The following CNTNAP3B variants were observed in gnomAD, a reference collection of about 807,000 sequenced individuals.
CNTNAP3B encodes the protein contactin-associated protein-like 3B.
CNTNAP3B carries 25 observed loss-of-function variants against 108.9 expected under a neutral mutation model. That is an observed-to-expected ratio of 0.23 (90% CI 0.17 to 0.32). The LOEUF (loss-of-function observed/expected upper bound fraction) is 0.32, where lower values mean the gene tolerates loss of function less well. CNTNAP3B is among the 10% of genes least tolerant of loss of function. The pLI, the probability that CNTNAP3B is intolerant of heterozygous loss-of-function variation, is 1.00. For synonymous variants in CNTNAP3B, 103 were observed against 473.4 expected (o/e 0.22, Z 10.16); for missense variants, 252 against 1,210.4 (o/e 0.21, Z 11.75).
intron 13 of CNTNAP3B, among the ~76,000 whole-genome samples, 152 bp downstream of exon 13, chr9:41,953,031 C>G (rs1378726328): frequency 6.6e-6 from 1 of 152,276 alleles, no homozygotes; most frequent in Non-Finnish European, 1.5e-5. Flanking sequence ...TTTGGTCCAA[C>G]CAAGAGCGGG....
Position 42,117,629 on chromosome 9 carries a change from A to G in CNTNAP3B, c.85+11381T>C. On this transcript the variant is annotated intron_variant, in intron 1 of 23. Coordinates refer to ENST00000377561, the MANE Select transcript of CNTNAP3B (RefSeq NM_001201380.3). Reference sequence around the variant, plus strand: ...CAATTAAAAGAACCAGAGAAGCAAGAGCAAACACATTCAAAAGCTAGCAGA... The same window carrying G: ...CAATTAAAAGAACCAGAGAAGCAAGGGCAAACACATTCAAAAGCTAGCAGA... Among the ~76,000 whole-genome samples the G allele has an allele frequency of 1.5e-5, 2 of 137,306 alleles. 1 individual carries two copies. The highest frequency in any genetic ancestry group is 3.1e-5 in the Non-Finnish European group (2 of 64,484). 90.1% of individuals were successfully genotyped at this position (137,306 alleles called of 152,430 possible).
intron 1 of CNTNAP3B, among the ~76,000 whole-genome samples, chr9:42,115,498 C>T (rs1453371344): frequency 1.4e-5 from 2 of 139,418 alleles, no homozygotes; most frequent in Non-Finnish European, 3.1e-5. Context: ...CAGCCAGGTG[C>T]CCCTCTGAGA....
chr9:42,110,312 T>C (rs1828170232), intron 1 of CNTNAP3B, among the ~76,000 whole-genome samples: 1 of 136,998 alleles, frequency 7.3e-6, no homozygotes. Flanking sequence ...GCTCTCCCCA[T>C]GCTTGCGGCT....
intron 13 of CNTNAP3B, among the ~76,000 whole-genome samples, chr9:41,945,299 A>C (rs1208148818): frequency 6.6e-6 from 1 of 152,264 alleles, no homozygotes; most frequent in Non-Finnish European, 1.5e-5. Context: ...TCATGCTGCT[A>C]TAAAGACACA....
At chr9:41,924,971 A>C (rs1421284434) in intron 15 of CNTNAP3B, among the ~76,000 whole-genome samples, 1 of 151,948 alleles carries the variant, frequency 6.6e-6, no homozygotes, top group Non-Finnish European at 1.5e-5. Context: ...ATACCACAGA[A>C]GGGCTGCTGT....
intron 16 of CNTNAP3B, 180 bp downstream of exon 16, chr9:41,923,743 C>G (rs1282901251): frequency 8.2e-7 from 1 of 1,220,656 alleles, no homozygotes; most frequent in Non-Finnish European, 1.1e-6. Flanking sequence ...GCATGAGTGA[C>G]ACAGCAAAAT....
intron 1 of CNTNAP3B, among the ~76,000 whole-genome samples, chr9:42,121,826 C>T (rs561958176): frequency 2.1e-5 from 3 of 140,312 alleles, no homozygotes; most frequent in African/African-American, 8.4e-5. Context: ...TGTGAAGAAC[C>T]GTGAGGAGAG....
At chr9:41,930,831 T>A (rs1270666599) in intron 14 of CNTNAP3B, among the ~76,000 whole-genome samples, 2 of 152,196 alleles carry the variant, frequency 1.3e-5, no homozygotes, top group Non-Finnish European at 2.9e-5. Flanking sequence ...AAGGCATTTG[T>A]CTACTCTGCT....
In CNTNAP3B at chr9:42,056,330, TTATTATTATTA is replaced by T. The variant is rs1827068866; in HGVS notation, c.390+20528_390+20538del. On this transcript the variant is annotated intron_variant, in intron 3 of 23. Coordinates refer to ENST00000377561, the MANE Select transcript of CNTNAP3B (RefSeq NM_001201380.3). ...GTTGAATATTATCTCATGAATTTTA[TTATTATTATTA>T]TTATTATTATTATTATTATTATTAT... Among the ~76,000 whole-genome samples the T allele has an allele frequency of 9.1e-5, 4 of 44,174 alleles. 2 individuals carry two copies. Among genetic ancestry groups the T allele is most frequent in the Non-Finnish European group, 9.7e-5 (2 of 20,530 alleles). 29.0% of individuals were successfully genotyped at this position (44,174 alleles called of 152,430 possible). A position where few individuals can be genotyped will look rare whatever the true frequency, so the allele number is the denominator to read the frequency against.
chr9:42,112,844 A>C (rs1459982454), intron 1 of CNTNAP3B, among the ~76,000 whole-genome samples: 3 of 131,860 alleles, frequency 2.3e-5, no homozygotes, highest in East Asian at 4.7e-4. Flanking sequence ...AACACAAATG[A>C]AGACCTAGAG....
At chr9:41,976,937 C>T (rs1410146035) in intron 9 of CNTNAP3B, among the ~76,000 whole-genome samples, 28 of 142,142 alleles carry the variant, frequency 2.0e-4, no homozygotes, top group African/African-American at 5.8e-4. Context: ...GGCAAAACAA[C>T]GAAACACCAC....
chr9:42,107,708 G>A (rs1224323547), intron 1 of CNTNAP3B, among the ~76,000 whole-genome samples: 1 of 138,012 alleles, frequency 7.2e-6, no homozygotes, highest in Non-Finnish European at 1.5e-5. Flanking sequence ...GGGCGCGGTG[G>A]CTCACACCTG....
At chr9:41,972,491 T>A (rs1052318126) in intron 9 of CNTNAP3B, among the ~76,000 whole-genome samples, 2 of 137,148 alleles carry the variant, frequency 1.5e-5, no homozygotes, top group East Asian at 4.4e-4. Flanking sequence ...TTAAATGTTG[T>A]GTTTAGATTT....
In CNTNAP3B at chr9:42,107,802, C is replaced by T. The variant is rs1465270534; in HGVS notation, c.86-3063G>A. Among the ~76,000 whole-genome samples, 41 of 133,376 alleles carry T rather than the reference C, an allele frequency of 3.1e-4. 6 individuals are homozygous for T. The highest frequency in any genetic ancestry group is 1.2e-3 in the African/African-American group (39 of 33,026). 87.5% of individuals were successfully genotyped at this position (133,376 alleles called of 152,430 possible). A position where few individuals can be genotyped will look rare whatever the true frequency, so the allele number is the denominator to read the frequency against. On this transcript the variant is annotated intron_variant, in intron 1 of 23. Transcript: ENST00000377561. ...CATCCTGGCTAATACGGTGAAACCC[C>T]GTCTCTACTAAAAATACAAAAAATT...
intron 1 of CNTNAP3B, among the ~76,000 whole-genome samples, chr9:42,109,542 G>A (rs1372759191): frequency 6.8e-6 from 1 of 146,192 alleles, no homozygotes; most frequent in Non-Finnish European, 1.5e-5. Context: ...CTGATCCTTT[G>A]GGGAGGAGCT....
chr9:41,959,456 C>T (rs1319498004), intron 12 of CNTNAP3B, among the ~76,000 whole-genome samples: 2 of 152,290 alleles, frequency 1.3e-5, no homozygotes, highest in Admixed American at 1.3e-4. Flanking sequence ...AGATACTTCC[C>T]TAACCAACTT....
chr9:41,963,147 G>A (rs1195835676), intron 11 of CNTNAP3B, among the ~76,000 whole-genome samples: 1 of 152,300 alleles, frequency 6.6e-6, no homozygotes, highest in South Asian at 2.1e-4. Flanking sequence ...TGTATGAAGT[G>A]TGGTTTTAAC....
At chr9:41,932,497 C>CAACCTTTT (rs1554738713) in intron 14 of CNTNAP3B, among the ~76,000 whole-genome samples, 1 of 149,090 alleles carries the variant, frequency 6.7e-6, no homozygotes, top group Admixed American at 6.7e-5. Flanking sequence ...AATGTTGAGT[C>CAACCTTTT]AACTTTTTAA....
At chr9:42,125,767 C>T (rs1297874387) in intron 1 of CNTNAP3B, among the ~76,000 whole-genome samples, 5 of 131,508 alleles carry the variant, frequency 3.8e-5, no homozygotes, top group Admixed American at 3.0e-4. Context: ...CAGGCACCTG[C>T]CACCATGCCC....
Sources: allele counts gnomAD v4.1 joint callset (sites outside exome capture counted in the v4.1 genomes callset), GRCh38; gene constraint gnomAD v4.1.1; transcripts MANE v1.5; gene names NCBI Gene and HGNC (gene_info 2026-07-23, HGNC 2026-07-21).